Variants in DRC10 observed in about 807,000 individuals in gnomAD.
DRC10 encodes the protein IQ domain-containing protein D.
At chr12:113,201,137 T>C in the DRC10 span, among the ~76,000 whole-genome samples, 1 of 150,998 alleles carries the variant, frequency 6.6e-6, no homozygotes, top group Non-Finnish European at 1.5e-5. Flanking sequence ...TGAGATTCCA[T>C]CTCAAAAAAA....
At chr12:113,208,951 A>C in the DRC10 span, among the ~76,000 whole-genome samples, 5 of 152,162 alleles carry the variant, frequency 3.3e-5, no homozygotes, top group Non-Finnish European at 7.4e-5. Flanking sequence ...ATTTGTTTTG[A>C]GACAGAGTCT....
At chr12:113,209,568 A>G in the DRC10 span, among the ~76,000 whole-genome samples, 1 of 152,064 alleles carries the variant, frequency 6.6e-6, no homozygotes, top group South Asian at 2.1e-4. Flanking sequence ...TTAACTTTTT[A>G]TAGAGATGAG....
At chr12:113,209,326 A>G in the DRC10 span, among the ~76,000 whole-genome samples, 1 of 152,236 alleles carries the variant, frequency 6.6e-6, no homozygotes, top group East Asian at 1.9e-4. Context: ...TCTGGAGTGG[A>G]AAAAGGACAT....
At chr12:113,195,931 C>G in the DRC10 span, 11 of 1,549,956 alleles carry the variant, frequency 7.1e-6, no homozygotes, top group South Asian at 1.2e-5. Context: ...ACATAGAGTG[C>G]CTCCTCCCAC....
At chr12:113,204,035 G>A in the DRC10 span, among the ~76,000 whole-genome samples, 1 of 152,132 alleles carries the variant, frequency 6.6e-6, no homozygotes, top group Non-Finnish European at 1.5e-5. Flanking sequence ...GAGCCCAGGA[G>A]TTCGAAACCA....
the DRC10 span, among the ~76,000 whole-genome samples, chr12:113,201,548 C>T: frequency 6.6e-6 from 1 of 152,166 alleles, no homozygotes; most frequent in East Asian, 1.9e-4. Flanking sequence ...TGAAGGTGTG[C>T]GATGAACACA....
the DRC10 span, among the ~76,000 whole-genome samples, chr12:113,199,265 G>C: frequency 6.6e-6 from 1 of 152,120 alleles, no homozygotes; most frequent in South Asian, 2.1e-4. Flanking sequence ...TTAGCCAGAC[G>C]TGGTGACATG....
chr12:113,203,034 C>CTTTTTTTT, the DRC10 span: 2 of 381,828 alleles, frequency 5.2e-6, no homozygotes, highest in South Asian at 2.0e-5. Flanking sequence ...TACTGTTTCC[C>CTTTTTTTT]TTTTTTTTTT....
the DRC10 span, among the ~76,000 whole-genome samples, chr12:113,210,000 C>T: frequency 6.6e-6 from 1 of 152,112 alleles, no homozygotes; most frequent in Non-Finnish European, 1.5e-5. Flanking sequence ...GTGGTACGCA[C>T]CTGTTACTCA....
At chr12:113,195,874 G>A in the DRC10 span, 31 of 1,608,686 alleles carry the variant, frequency 1.9e-5, no homozygotes, top group African/African-American at 4.0e-4. Flanking sequence ...ACAGCGTCCA[G>A]ATCCTCCAAC....
the DRC10 span, among the ~76,000 whole-genome samples, chr12:113,212,070 T>C: frequency 3.8e-3 from 429 of 114,232 alleles, 1 homozygote; most frequent in Non-Finnish European, 5.8e-3. Flanking sequence ...ATCTCTCCTC[T>C]TTTTTTTTTT....
the DRC10 span, among the ~76,000 whole-genome samples, chr12:113,202,113 G>C: frequency 6.6e-6 from 1 of 152,176 alleles, no homozygotes. Context: ...CACCTTACTA[G>C]TAACCTCCCT....
chr12:113,200,722 T>G, the DRC10 span: 1 of 1,536,208 alleles, frequency 6.5e-7, no homozygotes, highest in Non-Finnish European at 8.7e-7. Context: ...CTCAGCCTCC[T>G]GCTTAGTGCG....
At chr12:113,214,120 G>A in the DRC10 span, among the ~76,000 whole-genome samples, 1 of 152,114 alleles carries the variant, frequency 6.6e-6, no homozygotes, top group Non-Finnish European at 1.5e-5. Context: ...TTCAAGTCTA[G>A]GGAGGGGGAA....
At chr12:113,204,977 T>C in the DRC10 span, among the ~76,000 whole-genome samples, 1 of 152,084 alleles carries the variant, frequency 6.6e-6, no homozygotes, top group Non-Finnish European at 1.5e-5. Flanking sequence ...TCTTCCTCAC[T>C]GCACTTGCCT....
the DRC10 span, chr12:113,207,166 G>A: frequency 1.1e-5 from 5 of 458,344 alleles, no homozygotes; most frequent in East Asian, 4.6e-5. Flanking sequence ...TGGCCAACAT[G>A]GCGAAAACCT....
the DRC10 span, chr12:113,207,751 G>C: frequency 7.4e-6 from 12 of 1,614,044 alleles, no homozygotes; most frequent in Non-Finnish European, 9.3e-6. Context: ...TGAGAGGCTG[G>C]ATTTCTGCAG....
the DRC10 span, chr12:113,195,581 C>A: frequency 6.3e-7 from 1 of 1,590,342 alleles, no homozygotes; most frequent in Non-Finnish European, 8.6e-7. Flanking sequence ...GAGCTCATTT[C>A]TTGCCCTTGC....
chr12:113,209,778 C>G, the DRC10 span, among the ~76,000 whole-genome samples: 1 of 152,224 alleles, frequency 6.6e-6, no homozygotes, highest in Non-Finnish European at 1.5e-5. Context: ...TCTGTACTAT[C>G]TTTGCAACTT....
Sources: allele counts gnomAD v4.1 joint callset (sites outside exome capture counted in the v4.1 genomes callset), GRCh38; gene constraint gnomAD v4.1.1; transcripts MANE v1.5; gene names NCBI Gene and HGNC (gene_info 2026-07-23, HGNC 2026-07-21).